NXPH2: variants seen among roughly 807,000 people sequenced by gnomAD.
NXPH2 encodes the protein neurexophilin 2.
NXPH2 carries 5 observed loss-of-function variants against 19.8 expected under a neutral mutation model. The observed-to-expected ratio is 0.25, with a 90% CI of 0.13 to 0.53. The LOEUF (loss-of-function observed/expected upper bound fraction) is 0.53, where lower values mean the gene tolerates loss of function less well. NXPH2 is among the 20% of genes least tolerant of loss of function. The pLI, the probability that NXPH2 is intolerant of heterozygous loss-of-function variation, is 0.96. For synonymous variants in NXPH2, 154 were observed against 127.4 expected, an observed-to-expected ratio of 1.21 and a Z score of -1.41; for missense variants, 289 against 322.8, an observed-to-expected ratio of 0.90 and a Z score of 0.80.
intron 1 of NXPH2, among the ~76,000 whole-genome samples, chr2:138,685,994 C>A (rs1430632561): frequency 6.6e-6 from 1 of 152,108 alleles, no homozygotes; most frequent in Non-Finnish European, 1.5e-5. Flanking sequence ...CTTATGATGT[C>A]TGATTTACAA....
At chr2:138,712,531 C>G (rs974719854) in intron 1 of NXPH2, among the ~76,000 whole-genome samples, 1 of 152,192 alleles carries the variant, frequency 6.6e-6, no homozygotes, top group Admixed American at 6.5e-5. Flanking sequence ...TACTAAGGAG[C>G]CTTCAAGTGC....
intron 1 of NXPH2, among the ~76,000 whole-genome samples, chr2:138,691,675 A>C (rs1187180343): frequency 6.6e-6 from 1 of 152,182 alleles, no homozygotes; most frequent in African/African-American, 2.4e-5. Flanking sequence ...AAGTGTAATC[A>C]CTTTGCTGGA....
At chr2:138,762,237 T>C (rs572336101) in intron 1 of NXPH2, among the ~76,000 whole-genome samples, 1 of 152,294 alleles carries the variant, frequency 6.6e-6, no homozygotes, top group South Asian at 2.1e-4. Context: ...CATCCACATT[T>C]GTTCTTTCTC....
chr2:138,695,950 G>T (rs1025523167), intron 1 of NXPH2, among the ~76,000 whole-genome samples: 1 of 152,098 alleles, frequency 6.6e-6, no homozygotes, highest in Admixed American at 6.6e-5. Flanking sequence ...GGAGTTCAAG[G>T]CTTCAGTGAG....
chr2:138,718,514 C>T (rs186401476), intron 1 of NXPH2, among the ~76,000 whole-genome samples: 1 of 152,228 alleles, frequency 6.6e-6, no homozygotes, highest in East Asian at 1.9e-4. Flanking sequence ...GCTTGTTGCC[C>T]TCACAAGCTC....
chr2:138,772,278 C>T (rs1682190872), intron 1 of NXPH2, among the ~76,000 whole-genome samples: 1 of 150,568 alleles, frequency 6.6e-6, no homozygotes, highest in Admixed American at 6.6e-5. Context: ...TGGCAACTGG[C>T]CTCCATGAGG....
At chr2:138,677,346 A>G (rs1189517873) in intron 1 of NXPH2, among the ~76,000 whole-genome samples, 1 of 152,200 alleles carries the variant, frequency 6.6e-6, no homozygotes, top group Non-Finnish European at 1.5e-5. Flanking sequence ...ACATTCCTTG[A>G]TTTCAACACA....
intron 1 of NXPH2, among the ~76,000 whole-genome samples, chr2:138,723,964 A>T (rs987687483): frequency 1.4e-5 from 2 of 144,200 alleles, no homozygotes; most frequent in Non-Finnish European, 3.0e-5. Flanking sequence ...TTAAGTTCAG[A>T]GGTACATGTG....
intron 1 of NXPH2, among the ~76,000 whole-genome samples, chr2:138,712,342 G>A (rs532363050): frequency 2.0e-5 from 3 of 152,326 alleles, no homozygotes; most frequent in Admixed American, 6.5e-5. Context: ...CTGGCTTGAT[G>A]AGTCAAAACA....
chr2:138,710,300 T>C (rs1326314793), intron 1 of NXPH2, among the ~76,000 whole-genome samples: 1 of 152,200 alleles, frequency 6.6e-6, no homozygotes, highest in Non-Finnish European at 1.5e-5. Flanking sequence ...GTTTTGTTTA[T>C]TCATCACCTC....
At chr2:138,740,163 G>A (rs2105005604) in intron 1 of NXPH2, among the ~76,000 whole-genome samples, 1 of 152,330 alleles carries the variant, frequency 6.6e-6, no homozygotes. Context: ...GGCCACAGGA[G>A]ATCCTGACTA....
chr2:138,679,635 G>A (rs912139720), intron 1 of NXPH2, among the ~76,000 whole-genome samples: 2 of 152,022 alleles, frequency 1.3e-5, no homozygotes, highest in Non-Finnish European at 2.9e-5. Context: ...CCAGACCTCA[G>A]GTGATCCACC....
At chr2:138,771,078 T>C (rs982479857) in intron 1 of NXPH2, among the ~76,000 whole-genome samples, 2 of 152,100 alleles carry the variant, frequency 1.3e-5, no homozygotes, top group East Asian at 3.8e-4. Context: ...ACATTTATAA[T>C]TATCAAAATT....
chr2:138,713,195 T>G (rs1004630088), intron 1 of NXPH2, among the ~76,000 whole-genome samples: 1 of 152,194 alleles, frequency 6.6e-6, no homozygotes, highest in Admixed American at 6.5e-5. Context: ...CTGAGATGGA[T>G]CTGCGACTGG....
intron 1 of NXPH2, among the ~76,000 whole-genome samples, chr2:138,716,768 G>A (rs1052583321): frequency 6.6e-6 from 1 of 152,130 alleles, no homozygotes; most frequent in Non-Finnish European, 1.5e-5. Context: ...AAAATACTGG[G>A]TTTAAGGTTT....
rs1680414203 is a variant in NXPH2, at chr2:138,671,506, T to C, written c.211A>G (p.Met71Val). The C allele has an allele frequency of 4.3e-6, 7 of 1,613,872 alleles. No individual in the cohort carries two copies. Among genetic ancestry groups the C allele is most frequent in the African/African-American group, 2.7e-5 (2 of 74,936 alleles). Reference protein sequence around the residue: ...KQSPVPKPGPMAYADSMENFW... With the variant: ...KQSPVPKPGPVAYADSMENFW... ...TTTTCCATGCTGTCTGCGTACGCCATGGGGCCGGGCTTGGGCACCGGAGAC... is the reference window on the plus strand; with the variant it reads ...TTTTCCATGCTGTCTGCGTACGCCACGGGGCCGGGCTTGGGCACCGGAGAC... The change falls in exon 2 of 2, where the codon ATG becomes GTG. Residue 71 changes from methionine (M) to valine (V), a missense_variant. By Grantham distance (21) the Met-to-Val change is conservative. Transcript: ENST00000272641.
chr2:138,692,989 T>C (rs934690499), intron 1 of NXPH2, among the ~76,000 whole-genome samples: 3 of 152,232 alleles, frequency 2.0e-5, no homozygotes, highest in African/African-American at 7.2e-5. Flanking sequence ...ATTTCATGCA[T>C]ATTTTTTAAA....
chr2:138,702,287 T>C (rs996084341), intron 1 of NXPH2, among the ~76,000 whole-genome samples: 2 of 152,096 alleles, frequency 1.3e-5, no homozygotes, highest in African/African-American at 4.8e-5. Context: ...TAGCTAAATA[T>C]TTAAGATTTT....
chr2:138,713,161 A>G (rs7601784), intron 1 of NXPH2, among the ~76,000 whole-genome samples: 120,047 of 152,126 alleles, frequency 0.79, 48,531 homozygotes, highest in East Asian at 0.96. Flanking sequence ...TTCAGGATCT[A>G]CTTCCCCACT....
Sources: allele counts gnomAD v4.1 joint callset (sites outside exome capture counted in the v4.1 genomes callset), GRCh38; gene constraint gnomAD v4.1.1; transcripts MANE v1.5; gene names NCBI Gene and HGNC (gene_info 2026-07-23, HGNC 2026-07-21).